Variants in RBM20 observed in about 807,000 individuals in gnomAD.
RBM20 encodes RNA-binding protein 20.
A neutral mutation model predicts 110.1 loss-of-function variants in RBM20; 51 were observed. The ratio of observed to expected loss-of-function variants is 0.46; its 90% CI spans 0.37 to 0.59. The LOEUF (loss-of-function observed/expected upper bound fraction) is 0.59. Ranked by LOEUF, RBM20 falls within the 20% of genes least tolerant of loss-of-function variation. The pLI, the probability that RBM20 is intolerant of heterozygous loss-of-function variation, is 0.00. For missense variants in RBM20, 1,512 were observed against 1,574.9 expected, an observed-to-expected ratio of 0.96 and a Z score of 0.68; for synonymous variants, 589 against 618.2, an observed-to-expected ratio of 0.95 and a Z score of 0.70.
chr10:110,750,927 G>A (rs1843845258), intron 1 of RBM20, among the ~76,000 whole-genome samples: 1 of 152,150 alleles, frequency 6.6e-6, no homozygotes, highest in African/African-American at 2.4e-5. Flanking sequence ...TTTGAAAATG[G>A]GAGTTGTGGA....
At chr10:110,712,495 G>C (rs778272133) in intron 1 of RBM20, among the ~76,000 whole-genome samples, 1 of 152,278 alleles carries the variant, frequency 6.6e-6, no homozygotes, top group East Asian at 1.9e-4. Flanking sequence ...GGCTGGGTGC[G>C]GTGGCTCACC....
chr10:110,783,674 C>T (rs746715245), intron 3 of RBM20, among the ~76,000 whole-genome samples: 45 of 152,302 alleles, frequency 3.0e-4, no homozygotes, highest in Middle Eastern at 3.4e-3. Flanking sequence ...GCCGGAAGTG[C>T]GTGTGTGCGT....
At chr10:110,643,473 C>T (rs890243371), upstream of RBM20, among the ~76,000 whole-genome samples, 1 of 152,202 alleles carries the variant, frequency 6.6e-6, no homozygotes. Flanking sequence ...ACGCGGGCGC[C>T]AGGGTAATTA....
chr10:110,784,690 T>C (rs1315043762), intron 4 of RBM20, 102 bp from the exon 5 acceptor site: 1 of 799,014 alleles, frequency 1.3e-6, no homozygotes, highest in Non-Finnish European at 2.1e-6. Flanking sequence ...TAATAATATG[T>C]GAAGGGGAAA....
intron 1 of RBM20, among the ~76,000 whole-genome samples, chr10:110,769,888 T>C (rs1245442515): frequency 6.6e-6 from 1 of 152,038 alleles, no homozygotes; most frequent in Non-Finnish European, 1.5e-5. Flanking sequence ...CTGGCCAATC[T>C]AAAAAATTTT....
intron 1 of RBM20, among the ~76,000 whole-genome samples, chr10:110,667,537 T>C (rs909603786): frequency 6.6e-5 from 10 of 152,246 alleles, no homozygotes; most frequent in African/African-American, 1.2e-4. Flanking sequence ...CTTTGCCAGC[T>C]TTGAGATTGG....
chr10:110,759,092 T>G, intron 1 of RBM20, among the ~76,000 whole-genome samples: 1 of 152,272 alleles, frequency 6.6e-6, no homozygotes, highest in East Asian at 1.9e-4. Context: ...TCACAACTCT[T>G]GACTGGTTTC....
intron 1 of RBM20, among the ~76,000 whole-genome samples, chr10:110,748,233 A>G (rs1018313594): frequency 2.6e-5 from 4 of 152,230 alleles, no homozygotes; most frequent in African/African-American, 9.6e-5. Context: ...TTTGCTAACC[A>G]AAAGAATGTG....
intron 8 of RBM20, 62 bp downstream of exon 8, chr10:110,810,524 C>A (rs1297029716): frequency 1.6e-6 from 2 of 1,227,562 alleles, no homozygotes; most frequent in Non-Finnish European, 2.3e-6. Context: ...ACTCCTGTTT[C>A]TCATTCTTAG....
In RBM20 at chr10:110,644,397, C is replaced by T; in HGVS notation, c.-58C>T. ...ACCCCGGCCAGTGAGCGCCCGTGGC[C>T]CGGGACCGCCCCTCCCTTGAGCTCT... On this transcript the variant is annotated 5_prime_UTR_variant, in exon 1 of 14. Transcript: ENST00000369519. The surrounding 1 kb of genome is among the most constrained non-coding windows in gnomAD (Gnocchi z 4.3). 1 of 1,349,842 alleles carries T rather than the reference C, an allele frequency of 7.4e-7. No individual in the cohort carries two copies. Among genetic ancestry groups the T allele is most frequent in the Non-Finnish European group, 9.6e-7 (1 of 1,044,624 alleles). The allele number at this position is 1,349,842 out of a possible 1,614,324, so 83.6% of individuals were successfully genotyped here. A position where few individuals can be genotyped will look rare whatever the true frequency, so the allele number is the denominator to read the frequency against.
intron 1 of RBM20, among the ~76,000 whole-genome samples, chr10:110,703,048 G>A (rs1232754557): frequency 9.8e-6 from 1 of 102,392 alleles, no homozygotes; most frequent in South Asian, 3.3e-4. Context: ...TGAAATTTTT[G>A]TTGAGATAAT....
chr10:110,828,016 A>G (rs17831429), intron 12 of RBM20, among the ~76,000 whole-genome samples: 2,657 of 152,218 alleles, frequency 0.017, 38 homozygotes, highest in Non-Finnish European at 0.028. Context: ...TGCACTTGAG[A>G]TCCAGGCCAG....
intron 4 of RBM20, 114 bp from the exon 5 acceptor site, chr10:110,784,677 CA>C: frequency 1.3e-6 from 1 of 754,184 alleles, no homozygotes; most frequent in Non-Finnish European, 2.3e-6. Flanking sequence ...TCATGCCAAT[CA>C]CTAATAATAT....
At chr10:110,768,047 G>A (rs1844131380) in intron 1 of RBM20, among the ~76,000 whole-genome samples, 1 of 152,240 alleles carries the variant, frequency 6.6e-6, no homozygotes, top group South Asian at 2.1e-4. Context: ...GGCCAACACA[G>A]CGAAACCCCG....
chr10:110,704,811 G>C (rs1420082600), intron 1 of RBM20, among the ~76,000 whole-genome samples: 1 of 152,204 alleles, frequency 6.6e-6, no homozygotes, highest in Non-Finnish European at 1.5e-5. Context: ...TGAGGACAGA[G>C]TGGAGGTTTG....
chr10:110,646,675 G>A (rs1384373403), intron 1 of RBM20, among the ~76,000 whole-genome samples: 1 of 152,194 alleles, frequency 6.6e-6, no homozygotes, highest in African/African-American at 2.4e-5. Flanking sequence ...ATATAATGTC[G>A]CAAACGCTTT....
intron 3 of RBM20, among the ~76,000 whole-genome samples, chr10:110,783,720 T>G (rs1461933196): frequency 6.6e-6 from 1 of 152,266 alleles, no homozygotes; most frequent in African/African-American, 2.4e-5. Context: ...TTCATTTTTT[T>G]CATTGTAGTC....
intron 1 of RBM20, among the ~76,000 whole-genome samples, chr10:110,665,722 T>C (rs1862165781): frequency 6.6e-6 from 1 of 152,152 alleles, no homozygotes. Flanking sequence ...GGTTAAAGAA[T>C]TATTTATTCA....
chr10:110,765,721 T>C (rs1053023259), intron 1 of RBM20, among the ~76,000 whole-genome samples: 1 of 152,072 alleles, frequency 6.6e-6, no homozygotes, highest in Non-Finnish European at 1.5e-5. Context: ...TAAAAGCAAA[T>C]CCATACTCAT....
Sources: gnomAD v4.1 joint callset for allele counts (sites outside exome capture counted in the v4.1 genomes callset) on GRCh38, gnomAD v4.1.1 for gene constraint, Gnocchi (gnomAD v3.1) non-coding constraint, MANE v1.5 for transcripts, NCBI Gene and HGNC (gene_info 2026-07-23, HGNC 2026-07-21) for gene names.